ATP9A: variants seen among roughly 807,000 people sequenced by gnomAD.
ATP9A encodes the protein probable phospholipid-transporting ATPase IIA.
ATP9A carries 52 observed loss-of-function variants against 144.1 expected under a neutral mutation model. The ratio of observed to expected loss-of-function variants is 0.36; its 90% CI spans 0.29 to 0.45. The LOEUF is 0.45. Among genes scored for constraint, ATP9A ranks in the 20% least tolerant of loss-of-function variants. ATP9A has a pLI of 1.00. For synonymous variants in ATP9A, 582 were observed against 557.4 expected (o/e 1.04, Z -0.62); for missense variants, 947 against 1,392.7 (o/e 0.68, Z 5.09).
At chr20:51,623,476 C>A (rs1268572094) in intron 18 of ATP9A, among the ~76,000 whole-genome samples, 1 of 152,094 alleles carries the variant, frequency 6.6e-6, no homozygotes, top group Non-Finnish European at 1.5e-5. Context: ...ATACAAGGGG[C>A]TGATTTAGAA....
At chr20:51,765,707 G>A (rs936217226) in intron 1 of ATP9A, among the ~76,000 whole-genome samples, 7 of 150,348 alleles carry the variant, frequency 4.7e-5, no homozygotes, top group African/African-American at 1.7e-4. Context: ...TGTAATCCCA[G>A]CACTTTCGGA....
chr20:51,735,135 T>G (rs6091359), intron 1 of ATP9A: 24,142 of 156,328 alleles, frequency 0.15, 2,032 homozygotes, highest in African/African-American at 0.2. Context: ...CTGCATGGGG[T>G]TGGTATCTTC....
At chr20:51,696,052 A>C (rs755113073) in intron 6 of ATP9A, 41 bp downstream of exon 6, 4 of 1,559,350 alleles carry the variant, frequency 2.6e-6, no homozygotes, top group Non-Finnish European at 3.5e-6. Context: ...TTACCACTGA[A>C]AGGTTAATGG....
chr20:51,683,432 T>C (rs2077509084), intron 9 of ATP9A, among the ~76,000 whole-genome samples: 1 of 92,686 alleles, frequency 1.1e-5, no homozygotes, highest in African/African-American at 2.9e-5. Flanking sequence ...GCCCAGCTGA[T>C]TATTATTATT....
chr20:51,699,333 C>CAAAAAA (rs74175569), intron 4 of ATP9A, among the ~76,000 whole-genome samples: 6 of 70,392 alleles, frequency 8.5e-5, no homozygotes, highest in Non-Finnish European at 1.6e-4. Context: ...AACTCAATCT[C>CAAAAAA]AAAAAAAAAA....
chr20:51,634,024 G>A (rs1476028869), intron 15 of ATP9A, among the ~76,000 whole-genome samples: 1 of 152,060 alleles, frequency 6.6e-6, no homozygotes, highest in African/African-American at 2.4e-5. Flanking sequence ...GGGAAGGGGG[G>A]CATGCCAGGT....
At chr20:51,754,313 C>T (rs1366816660) in intron 1 of ATP9A, among the ~76,000 whole-genome samples, 1 of 151,976 alleles carries the variant, frequency 6.6e-6, no homozygotes, top group African/African-American at 2.4e-5. Flanking sequence ...ACCAGCCTGA[C>T]CAACATGGAG....
chr20:51,689,055 G>A lies in ATP9A; in HGVS notation c.799+9C>T. On this transcript the variant is annotated intron_variant, in intron 9 of 27. Coordinates refer to ENST00000338821, the MANE Select transcript of ATP9A (RefSeq NM_006045.3). ...AATTGCTACCACATTCCTCAAAACG[G>A]CGCCTCACCTGATGCGACCACAGTG... 1 of 1,613,230 alleles carries A rather than the reference G, an allele frequency of 6.2e-7. No homozygotes were observed. Among genetic ancestry groups the A allele is most frequent in the Non-Finnish European group, 8.5e-7 (1 of 1,179,514 alleles).
intron 1 of ATP9A, among the ~76,000 whole-genome samples, chr20:51,735,282 G>A (rs1312940122): frequency 2.0e-5 from 3 of 152,210 alleles, no homozygotes. Context: ...GGTGTGTGTA[G>A]GATGCTATTC....
intron 14 of ATP9A, among the ~76,000 whole-genome samples, chr20:51,640,630 C>T (rs771593905): frequency 6.6e-6 from 1 of 152,208 alleles, no homozygotes; most frequent in Non-Finnish European, 1.5e-5. Context: ...CAAGAGTCAT[C>T]GCACGGGTGT....
intron 3 of ATP9A, among the ~76,000 whole-genome samples, chr20:51,720,334 A>G (rs1206387847): frequency 6.6e-6 from 1 of 152,246 alleles, no homozygotes; most frequent in African/African-American, 2.4e-5. Flanking sequence ...TTATGTAAGT[A>G]TACAGTAAAC....
At chr20:51,668,854 G>A (rs1356822215) in intron 13 of ATP9A, among the ~76,000 whole-genome samples, 1 of 152,110 alleles carries the variant, frequency 6.6e-6, no homozygotes, top group Non-Finnish European at 1.5e-5. Context: ...GCCATTTTCA[G>A]GAGACAGCCT....
intron 18 of ATP9A, among the ~76,000 whole-genome samples, chr20:51,623,579 G>C (rs567765256): frequency 6.6e-6 from 1 of 152,074 alleles, no homozygotes; most frequent in African/African-American, 2.4e-5. Flanking sequence ...TCAGGAGTTC[G>C]AGACCAGCCT....
chr20:51,746,474 G>A (rs1253888587), intron 1 of ATP9A, among the ~76,000 whole-genome samples: 1 of 150,130 alleles, frequency 6.7e-6, no homozygotes, highest in Non-Finnish European at 1.5e-5. Flanking sequence ...CGAGGCAGGC[G>A]GATCACCTGA....
intron 15 of ATP9A, among the ~76,000 whole-genome samples, chr20:51,635,427 T>C (rs1374718158): frequency 6.6e-6 from 1 of 152,018 alleles, no homozygotes; most frequent in African/African-American, 2.4e-5. Flanking sequence ...ACAAAAACCA[T>C]CAGATAGCAA....
chr20:51,654,962 T>C (rs2077381248), intron 14 of ATP9A, among the ~76,000 whole-genome samples: 1 of 152,174 alleles, frequency 6.6e-6, no homozygotes, highest in South Asian at 2.1e-4. Context: ...TTAGCACTAA[T>C]ATCACAGTGT....
At chr20:51,698,850 G>A (rs994174813) in intron 4 of ATP9A, among the ~76,000 whole-genome samples, 1 of 152,182 alleles carries the variant, frequency 6.6e-6, no homozygotes, top group Non-Finnish European at 1.5e-5. Context: ...AGGGAACAGC[G>A]AGAGATGAAA....
intron 26 of ATP9A, among the ~76,000 whole-genome samples, chr20:51,606,874 C>T (rs900964933): frequency 2.6e-5 from 4 of 151,472 alleles, no homozygotes; most frequent in Admixed American, 2.0e-4. Context: ...TGAGACCCTC[C>T]GCCACCCAGG....
intron 9 of ATP9A, among the ~76,000 whole-genome samples, chr20:51,678,129 CAGGGCGGGGGGAAG>C (rs2077484741): frequency 2.1e-5 from 1 of 47,584 alleles, no homozygotes; most frequent in Non-Finnish European, 3.9e-5. Flanking sequence ...GACTGGGTGG[CAGGGCGGGGGGAAG>C]GGGGCAGTGG....
Sources: allele counts gnomAD v4.1 joint callset (sites outside exome capture counted in the v4.1 genomes callset), GRCh38; gene constraint gnomAD v4.1.1; transcripts MANE v1.5; gene names NCBI Gene and HGNC (gene_info 2026-07-23, HGNC 2026-07-21).